Variants in CBX2 observed in about 807,000 individuals in gnomAD.
CBX2 encodes the protein chromobox protein homolog 2.
A neutral mutation model predicts 21.0 loss-of-function variants in CBX2; 11 were observed. The ratio of observed to expected loss-of-function variants is 0.52; its 90% CI spans 0.33 to 0.87. CBX2 has a LOEUF of 0.87. Ranked by LOEUF, CBX2 falls within the 40% of genes least tolerant of loss-of-function variation. The pLI, the probability that CBX2 is intolerant of heterozygous loss-of-function variation, is 0.02. For synonymous variants in CBX2, 364 were observed against 304.6 expected (o/e 1.19, Z -2.03); for missense variants, 746 against 724.3 (o/e 1.03, Z -0.34).
rs1907731112 is a variant in CBX2, at chr17:79,787,656, G to T, written c.*2614G>T. ...ATGCATTGTTGCTTTTTTCCCGAAG[G>T]TCCCGCAGGAACTGTGGCAATGGTG... On this transcript the variant is annotated 3_prime_UTR_variant, in exon 5 of 5. Transcript: ENST00000310942. 6.6e-6 allele frequency: 1 copy of T among 152,284 alleles called. No individual in the cohort carries two copies. The highest frequency in any genetic ancestry group is 6.5e-5 in the Admixed American group (1 of 15,286). The allele number at this position is 152,284 out of a possible 1,614,324, so 9.4% of individuals were successfully genotyped here.
rs548352686 is a variant in CBX2, at chr17:79,784,031, G to A, written c.588G>A (p.Pro196=). ...CCGCCCGGAAGGATCTGGGGGCCCC[G>A]GCCAGCAAGCTGCCCCCTCCACTCA... is the stretch of plus-strand genomic sequence containing the variant. ...LKTARKDLGA[P]ASKLPPPLSA... The change falls in exon 5 of 5, where the codon CCG becomes CCA. Residue 196 remains proline, a synonymous_variant. Transcript: ENST00000310942. The surrounding 1 kb of genome is among the most constrained non-coding windows in gnomAD (Gnocchi z 5.9). 274 of 1,612,880 alleles carry A rather than the reference G, an allele frequency of 1.7e-4. 2 individuals carry two copies. The South Asian group carries it at 2.2e-3, about 13-fold the overall frequency.
Position 79,781,762 on chromosome 17 carries a change from C to G in CBX2, c.249C>G (p.Leu83=). 6.2e-7 allele frequency: 1 copy of G among 1,614,148 alleles called. No homozygotes were observed. The highest frequency in any genetic ancestry group is 1.7e-4 in the Middle Eastern group (1 of 6,060). The change falls in exon 4 of 5, where the codon CTC becomes CTG. Residue 83 remains leucine (L), a synonymous_variant. Transcript: ENST00000310942. The part of the protein sequence containing the change: ...GKRPRGRPRK[L]TAMSSCSRRS... ...GGCCGAGAGGCCGGCCAAGGAAGCT[C>G]ACTGCCATGTCCTCCTGCAGCCGGC...
intron 3 of CBX2, among the ~76,000 whole-genome samples, chr17:79,781,042 G>T (rs1039235240): frequency 1.1e-4 from 15 of 141,550 alleles, no homozygotes; most frequent in African/African-American, 3.7e-4. Context: ...CCCTGGAGGT[G>T]TGGAGGCTCT....
At chr17:79,783,677 T>C in intron 4 of CBX2, 55 bp from the exon 5 acceptor site, 3 of 1,486,218 alleles carry the variant, frequency 2.0e-6, no homozygotes, top group East Asian at 4.9e-5. Flanking sequence ...CCCAAAGTGC[T>C]GGGATTACAG....
intron 4 of CBX2, among the ~76,000 whole-genome samples, chr17:79,783,432 C>T (rs536411911): frequency 6.8e-6 from 1 of 146,520 alleles, no homozygotes; most frequent in African/African-American, 2.5e-5. Context: ...TTTTTTGAGA[C>T]GTAGTCTCGC....
intron 4 of CBX2, chr17:79,782,208 C>T (rs921834399): frequency 7.8e-5 from 126 of 1,608,250 alleles, no homozygotes; most frequent in South Asian, 1.7e-4. Context: ...GGGGCTACTC[C>T]GGGCCCACCT....
In CBX2 at chr17:79,782,554, C is replaced by T. The variant is rs1490879971; in HGVS notation, c.288+753C>T. On this transcript the variant is annotated intron_variant, in intron 4 of 4. Transcript: ENST00000310942. Reference sequence around the variant, plus strand: ...CCTGGACCTTCGCGTGTTGTGGCCACGAGCTCAGTCACTAACTGAACCTGC... The same window carrying T: ...CCTGGACCTTCGCGTGTTGTGGCCATGAGCTCAGTCACTAACTGAACCTGC... The T allele has an allele frequency of 4.0e-5, 41 of 1,033,424 alleles. No individual in the cohort carries two copies. In the East Asian group the frequency reaches 1.1e-3, roughly 28 times the overall value. The allele number at this position is 1,033,424 out of a possible 1,614,324, so 64.0% of individuals were successfully genotyped here. A position where few individuals can be genotyped will look rare whatever the true frequency, so the allele number is the denominator to read the frequency against.
rs541999129 is a variant in CBX2 at position 79,780,999 on chromosome 17, C to CT, written c.183-696dup. Among the ~76,000 whole-genome samples, 13 of 151,964 alleles carry CT rather than the reference C, an allele frequency of 8.6e-5. No individual in the cohort carries two copies. The East Asian group carries it at 1.8e-3, about 21-fold the overall frequency. On this transcript the variant is annotated intron_variant, in intron 3 of 4. Transcript: ENST00000310942. ...CCCTTTTCTGAAATACAGGCTTTCC[C>CT]TGGGGGCTGGAGGTTCTGCTAGCAC...
Position 79,785,162 on chromosome 17 carries a change from G to A in CBX2, c.*120G>A. 1.2e-6 allele frequency: 1 copy of A among 850,244 alleles called. No homozygotes were observed. The highest frequency in any genetic ancestry group is 1.9e-6 in the Non-Finnish European group (1 of 526,330). The allele number at this position is 850,244 out of a possible 1,614,324, so 52.7% of individuals were successfully genotyped here. ...CTGGGTCGGGGGAGGAGGAGTGGGTGGCCTCCTTGATGGGCAGGCTTGGAA... is the reference window on the plus strand; with the variant it reads ...CTGGGTCGGGGGAGGAGGAGTGGGTAGCCTCCTTGATGGGCAGGCTTGGAA... On this transcript the variant is annotated 3_prime_UTR_variant, in exon 5 of 5. Transcript: ENST00000310942.
chr17:79,782,258 G>C lies in CBX2; in HGVS notation c.288+457G>C, dbSNP rs1907281352. 3.8e-6 allele frequency: 6 copies of C among 1,563,950 alleles called. No homozygotes were observed. In the South Asian group the frequency reaches 5.8e-5, roughly 15 times the overall value. ...AATCGAGGTGGCCACGAAAGGCAGG[G>C]CTGACTGAATAGCCAGGGGGTGCCA... On this transcript the variant is annotated intron_variant, in intron 4 of 4. Transcript: ENST00000310942.
At chr17:79,778,077 G>C (rs1555829274), upstream of CBX2, 1 of 157,766 alleles carries the variant, frequency 6.3e-6, no homozygotes, top group Non-Finnish European at 1.3e-5. This position sits in a 1 kb window ranked among gnomAD's most constrained non-coding sequence, Gnocchi z 4.8. Context: ...CGCGGGGGCG[G>C]GCGGCGGGCC....
At chr17:79,780,544 C>T (rs898044083) in intron 3 of CBX2, among the ~76,000 whole-genome samples, 1 of 152,010 alleles carries the variant, frequency 6.6e-6, no homozygotes, top group Admixed American at 6.6e-5. Flanking sequence ...GGATCTAAGA[C>T]GGTGTCCTAA....
In CBX2 at chr17:79,784,456, C is replaced by T. The variant is rs781924733; in HGVS notation, c.1013C>T (p.Ala338Val). ...PHTHGASRVP[A>V]GCPGPQPAPT... ...ACCCATGGTGCCAGCAGGGTGCCTG[C>T]TGGGTGCCCAGGCCCCCAGCCAGCA... The change falls in exon 5 of 5, where the codon GCT becomes GTT. Residue 338 changes from alanine to valine, a missense_variant. Ala to Val is a moderately conservative substitution (Grantham distance 64). Coordinates refer to ENST00000310942, the MANE Select transcript of CBX2 (RefSeq NM_005189.3). The surrounding 1 kb of genome is among the most constrained non-coding windows in gnomAD (Gnocchi z 5.9). 2.5e-6 allele frequency: 4 copies of T among 1,612,120 alleles called. No individual in the cohort carries two copies. Among genetic ancestry groups the T allele is most frequent in the Non-Finnish European group, 2.5e-6 (3 of 1,179,656 alleles).
rs1044776688 is a variant in CBX2, at chr17:79,782,372, A to G, written c.288+571A>G. 3.0e-5 allele frequency: 42 copies of G among 1,423,536 alleles called. No homozygotes were observed. In the East Asian group the frequency reaches 1.1e-3, roughly 36 times the overall value. 88.2% of individuals were successfully genotyped at this position (1,423,536 alleles called of 1,614,324 possible). A position where few individuals can be genotyped will look rare whatever the true frequency, so the allele number is the denominator to read the frequency against. On this transcript the variant is annotated intron_variant, in intron 4 of 4. Transcript: ENST00000310942. ...CTGTCCTGTCACCCCTCCTCGCTAC[A>G]GTGATGGGCTCACCCCGCCACAGGT...
intron 4 of CBX2, 80 bp downstream of exon 4, chr17:79,781,881 G>A (rs782573184): frequency 1.2e-6 from 2 of 1,614,166 alleles, no homozygotes; most frequent in Non-Finnish European, 1.7e-6. Flanking sequence ...GAGGGTTTGG[G>A]GCCCTCAGGA....
rs782765846 is a variant in CBX2, at chr17:79,785,048, C to G, written c.*6C>G. ...TCAACCTGAGGCATTACTGAAGCCC[C>G]GGCGCCACCAGCTGCGCGGTCTTAC... On this transcript the variant is annotated 3_prime_UTR_variant, in exon 5 of 5. Transcript: ENST00000310942. The G allele has an allele frequency of 6.3e-7, 1 of 1,596,696 alleles. No individual in the cohort carries two copies.
chr17:79,780,609 G>A (rs1555829983), intron 3 of CBX2, among the ~76,000 whole-genome samples: 1 of 152,168 alleles, frequency 6.6e-6, no homozygotes, highest in African/African-American at 2.4e-5. Flanking sequence ...GATAAGAAGA[G>A]TGTAAAACCC....
Position 79,784,099 on chromosome 17 carries a change from A to G in CBX2, c.656A>G (p.Lys219Arg). ...AGLAALKAHAKEACGGPSAMA... is the reference protein window; with the variant it reads ...AGLAALKAHAREACGGPSAMA... ...CTGGCAGCTCTGAAGGCCCACGCCA[A>G]GGAGGCCTGTGGCGGCCCCAGTGCC... The change falls in exon 5 of 5, where the codon AAG (lysine) becomes AGG (arginine). Residue 219 changes from lysine (K) to arginine (R), a missense_variant. Transcript: ENST00000310942. This position sits in a 1 kb window ranked among gnomAD's most constrained non-coding sequence, Gnocchi z 5.9. 6.2e-7 allele frequency: 1 copy of G among 1,611,978 alleles called. No homozygotes were observed. Among genetic ancestry groups the G allele is most frequent in the African/African-American group, 1.3e-5 (1 of 75,058 alleles).
rs782196616 is a variant in CBX2 at position 79,781,884 on chromosome 17, C to T, written c.288+83C>T. On this transcript the variant is annotated intron_variant, in intron 4 of 4. Coordinates refer to ENST00000310942, the MANE Select transcript of CBX2 (RefSeq NM_005189.3). ...GGCAGGCAGAGGGAGGGTTTGGGGCCCTCAGGAAGGGGGTGGCACTTCTGC... is the reference window on the plus strand; with the variant it reads ...GGCAGGCAGAGGGAGGGTTTGGGGCTCTCAGGAAGGGGGTGGCACTTCTGC... 3.1e-6 allele frequency: 5 copies of T among 1,614,184 alleles called. No homozygotes were observed. The Admixed American group carries it at 8.3e-5, about 27-fold the overall frequency.
Sources: allele counts gnomAD v4.1 joint callset (sites outside exome capture counted in the v4.1 genomes callset), GRCh38; gene constraint gnomAD v4.1.1; non-coding constraint Gnocchi (gnomAD v3.1); transcripts MANE v1.5; gene names NCBI Gene and HGNC (gene_info 2026-07-23, HGNC 2026-07-21).